ACCSL: variants seen among roughly 807,000 people sequenced by gnomAD.
The protein encoded by ACCSL is 1-aminocyclopropane-1-carboxylate synthase homolog (inactive) like, also known as probable inactive 1-aminocyclopropane-1-carboxylate synthase-like protein 2.
A neutral mutation model predicts 61.7 loss-of-function variants in ACCSL; 55 were observed. That is an observed-to-expected ratio of 0.89 (90% CI 0.72 to 1.12). The LOEUF (loss-of-function observed/expected upper bound fraction) is 1.12. Among genes scored for constraint, ACCSL ranks in the 50% most tolerant of loss-of-function variants. ACCSL has a pLI of 0.00. For missense variants in ACCSL, 632 were observed against 698.0 expected, an observed-to-expected ratio of 0.91 and a Z score of 1.07; for synonymous variants, 258 against 264.3, an observed-to-expected ratio of 0.98 and a Z score of 0.23.
upstream of ACCSL, among the ~76,000 whole-genome samples, chr11:44,043,938 T>C (rs1952586808): frequency 6.6e-6 from 1 of 152,236 alleles, no homozygotes; most frequent in African/African-American, 2.4e-5. Flanking sequence ...TATTTTATAA[T>C]CTACTCCCAA....
At chr11:43,921,352 G>C in the ACCSL span, among the ~76,000 whole-genome samples, 3 of 152,074 alleles carry the variant, frequency 2.0e-5, no homozygotes, top group Non-Finnish European at 4.4e-5. Context: ...TAGTCCCCCT[G>C]CCCTTTTAAA....
At chr11:43,983,160 T>C in the ACCSL span, among the ~76,000 whole-genome samples, 1 of 152,098 alleles carries the variant, frequency 6.6e-6, no homozygotes, top group East Asian at 1.9e-4. Flanking sequence ...CCATCCCCCA[T>C]TGGAGGTGAT....
At chr11:44,054,855 TAA>T (rs1317396801) in intron 8 of ACCSL, among the ~76,000 whole-genome samples, 3 of 152,136 alleles carry the variant, frequency 2.0e-5, no homozygotes, top group Non-Finnish European at 2.9e-5. Context: ...CTCTACCAGT[TAA>T]AAATTCTCTG....
At chr11:44,038,598 G>T in the ACCSL span, among the ~76,000 whole-genome samples, 1 of 152,078 alleles carries the variant, frequency 6.6e-6, no homozygotes, top group Non-Finnish European at 1.5e-5. Context: ...GATTTGGGTT[G>T]TTAGAGGGTA....
the ACCSL span, among the ~76,000 whole-genome samples, chr11:44,027,844 A>C: frequency 2.6e-5 from 4 of 152,180 alleles, no homozygotes; most frequent in African/African-American, 9.6e-5. Context: ...GCATATATAT[A>C]ATAGATATTT....
At chr11:43,937,296 C>T in the ACCSL span, among the ~76,000 whole-genome samples, 1 of 152,172 alleles carries the variant, frequency 6.6e-6, no homozygotes. Flanking sequence ...ACAAGAAGAC[C>T]CTTTAGATAA....
At chr11:44,015,608 A>G in the ACCSL span, among the ~76,000 whole-genome samples, 1 of 152,176 alleles carries the variant, frequency 6.6e-6, no homozygotes, top group Non-Finnish European at 1.5e-5. Flanking sequence ...TAAGAGCCAG[A>G]CTAGTGGTGT....
At chr11:44,006,220 G>T in the ACCSL span, among the ~76,000 whole-genome samples, 1 of 152,180 alleles carries the variant, frequency 6.6e-6, no homozygotes, top group East Asian at 1.9e-4. Flanking sequence ...AGGTGGGAGG[G>T]CAAAGCTCTG....
At chr11:43,945,660 A>G in the ACCSL span, 1 of 145,368 alleles carries the variant, frequency 6.9e-6, no homozygotes, top group East Asian at 2.0e-4. Flanking sequence ...CCTGGGCAAC[A>G]TGGTGAAATC....
chr11:44,007,599 G>A, the ACCSL span, among the ~76,000 whole-genome samples: 1 of 152,104 alleles, frequency 6.6e-6, no homozygotes, highest in African/African-American at 2.4e-5. Context: ...CCAAGCAAAG[G>A]CACCTAAGTA....
At chr11:43,934,836 C>T in the ACCSL span, among the ~76,000 whole-genome samples, 1 of 152,190 alleles carries the variant, frequency 6.6e-6, no homozygotes, top group East Asian at 1.9e-4. Context: ...GTGACTCACG[C>T]CCAGGTTACC....
the ACCSL span, among the ~76,000 whole-genome samples, chr11:43,979,877 A>AG: frequency 6.6e-6 from 1 of 151,596 alleles, no homozygotes; most frequent in Non-Finnish European, 1.5e-5. Flanking sequence ...AAAAGAAAAA[A>AG]AAATTGGCAA....
chr11:44,013,491 C>G, the ACCSL span, among the ~76,000 whole-genome samples: 4 of 152,142 alleles, frequency 2.6e-5, no homozygotes, highest in Admixed American at 6.5e-5. Context: ...GGGGCGCTTG[C>G]CATGTTGGCC....
the ACCSL span, among the ~76,000 whole-genome samples, chr11:44,000,525 C>CAAAA: frequency 9.2e-6 from 1 of 108,798 alleles, no homozygotes. Context: ...GACTCTGTCT[C>CAAAA]AAAAAAAAAA....
the ACCSL span, among the ~76,000 whole-genome samples, chr11:43,992,922 G>A: frequency 0.26 from 40,005 of 152,190 alleles, 6,322 homozygotes; most frequent in South Asian, 0.36. Flanking sequence ...AGCTCTCTCC[G>A]TCGTGTGGCT....
the ACCSL span, among the ~76,000 whole-genome samples, chr11:43,961,721 C>G: frequency 6.6e-6 from 1 of 151,460 alleles, no homozygotes; most frequent in Admixed American, 6.6e-5. Flanking sequence ...CTCTCTTTCT[C>G]TTTCTCTCTC....
chr11:44,037,292 G>GA, the ACCSL span, among the ~76,000 whole-genome samples: 1 of 152,210 alleles, frequency 6.6e-6, no homozygotes, highest in African/African-American at 2.4e-5. Context: ...CAGTGACCAA[G>GA]GTACCCAACC....
chr11:43,924,123 C>G, the ACCSL span, among the ~76,000 whole-genome samples: 1 of 152,218 alleles, frequency 6.6e-6, no homozygotes, highest in Non-Finnish European at 1.5e-5. Context: ...AGTAACTACT[C>G]CCTTGGGACC....
chr11:44,008,235 G>A, the ACCSL span, among the ~76,000 whole-genome samples: 1 of 152,182 alleles, frequency 6.6e-6, no homozygotes, highest in African/African-American at 2.4e-5. Context: ...TTTGGTGGTG[G>A]TGGTGATGCA....
Sources: allele counts gnomAD v4.1 joint callset (sites outside exome capture counted in the v4.1 genomes callset), GRCh38; gene constraint gnomAD v4.1.1; transcripts MANE v1.5; gene names NCBI Gene and HGNC (gene_info 2026-07-23, HGNC 2026-07-21).